DNAI4: variants seen among roughly 807,000 people sequenced by gnomAD.
DNAI4 encodes the protein WD repeat domain 78.
A neutral mutation model predicts 105.8 loss-of-function variants in DNAI4; 85 were observed. The ratio of observed to expected loss-of-function variants is 0.80; its 90% CI spans 0.67 to 0.96. The LOEUF (loss-of-function observed/expected upper bound fraction) is 0.96. Among genes scored for constraint, DNAI4 ranks in the 40% least tolerant of loss-of-function variants. The pLI is 0.00. For synonymous variants in DNAI4, 352 were observed against 331.5 expected (o/e 1.06, Z -0.67); for missense variants, 1,014 against 1,005.6 (o/e 1.01, Z -0.11).
Position 66,874,866 on chromosome 1 carries a change from T to C in DNAI4, c.715A>G (p.Ile239Val). ...KEDLEKNIEI[I>V]LTETETLRFF... ...CTCAGTGTTTCTGTCTCTGTGAGTA[T>C]TATCTCTATATTCTTCTCCAGGTCT... Residue 239 changes from isoleucine to valine, a missense_variant, in exon 5 of 17, where the codon ATA becomes GTA. By Grantham distance (29) the Ile-to-Val change is conservative. Coordinates refer to ENST00000371026, the MANE Select transcript of DNAI4 (RefSeq NM_024763.5). 6.2e-7 allele frequency: 1 copy of C among 1,613,608 alleles called. No homozygotes were observed. The highest frequency in any genetic ancestry group is 2.2e-5 in the East Asian group (1 of 44,858).
rs75312724 is a variant in DNAI4, at chr1:66,889,902, G to T, written c.643+1252C>A. On this transcript the variant is annotated intron_variant, in intron 4 of 16. Coordinates refer to ENST00000371026, the MANE Select transcript of DNAI4 (RefSeq NM_024763.5). ...TTCAAAAGTCAATAATGTTCTCTGT[G>T]AAACCTTTTTTATTTTACCTCAAAG... is the stretch of plus-strand genomic sequence containing the variant. Among the ~76,000 whole-genome samples the T allele has an allele frequency of 6.5e-3, 983 of 152,204 alleles. 4 individuals carry two copies. Among genetic ancestry groups the T allele is most frequent in the African/African-American group, 0.022 (922 of 41,540 alleles).
chr1:66,867,657 AC>A (rs1646760695), intron 6 of DNAI4, among the ~76,000 whole-genome samples: 2 of 152,070 alleles, frequency 1.3e-5, no homozygotes, highest in South Asian at 4.2e-4. Flanking sequence ...CGTCAGAACT[AC>A]CTACTCTGCC....
intron 2 of DNAI4, among the ~76,000 whole-genome samples, chr1:66,902,106 T>G (rs553757702): frequency 4.5e-4 from 69 of 152,328 alleles, no homozygotes; most frequent in African/African-American, 1.5e-3. Flanking sequence ...GTGCTGAGAT[T>G]ACAGGTGTGA....
intron 5 of DNAI4, 127 bp from the exon 6 acceptor site, chr1:66,871,636 C>G (rs534373638): frequency 1.1e-6 from 1 of 939,582 alleles, no homozygotes; most frequent in Non-Finnish European, 1.5e-6. Flanking sequence ...TGAAGTGAGA[C>G]TTCAAAAAAA....
chr1:66,827,912 T>G lies in DNAI4; in HGVS notation c.2014-2A>C. On this transcript the variant is annotated splice_acceptor_variant, in intron 13 of 16. Transcript: ENST00000371026. LOFTEE classifies it high-confidence loss of function. ...GCCAGCCAAATAGATATTTGTGTCCTACAACACAAAACATCGAAATGCATT... is the reference window on the plus strand; with the variant it reads ...GCCAGCCAAATAGATATTTGTGTCCGACAACACAAAACATCGAAATGCATT... 6.3e-7 allele frequency: 1 copy of G among 1,585,628 alleles called. No individual in the cohort carries two copies. The highest frequency in any genetic ancestry group is 8.6e-7 in the Non-Finnish European group (1 of 1,162,090).
intron 1 of DNAI4, among the ~76,000 whole-genome samples, chr1:66,909,285 T>TCTACACACACACAC (rs143570368): frequency 1.6e-4 from 21 of 134,540 alleles, no homozygotes; most frequent in Admixed American, 5.3e-4. Flanking sequence ...CACCTCTCTC[T>TCTACACACACACAC]ACACACACAC....
At chr1:66,847,890 T>C in intron 7 of DNAI4, 1 of 510,248 alleles carries the variant, frequency 2.0e-6, no homozygotes, top group Non-Finnish European at 3.4e-6. Context: ...AACTGTACTA[T>C]TTTTCAGAAG....
chr1:66,894,499 C>A (rs188007008), intron 2 of DNAI4, among the ~76,000 whole-genome samples: 3 of 151,824 alleles, frequency 2.0e-5, no homozygotes, highest in Non-Finnish European at 2.9e-5. Context: ...TTATTTTTAA[C>A]GTAGTCAATT....
At chr1:66,913,013 A>G (rs1420482206) in intron 1 of DNAI4, among the ~76,000 whole-genome samples, 3 of 152,142 alleles carry the variant, frequency 2.0e-5, no homozygotes, top group African/African-American at 7.2e-5. Flanking sequence ...AAGAATGGCA[A>G]GTTTTTCCTG....
At chr1:66,854,957 C>G (rs775401005) in intron 7 of DNAI4, among the ~76,000 whole-genome samples, 2 of 152,138 alleles carry the variant, frequency 1.3e-5, no homozygotes, top group African/African-American at 2.4e-5. Flanking sequence ...CTTTGATATC[C>G]TAGGGCCTTG....
chr1:66,897,933 G>A (rs1175304779), intron 2 of DNAI4, among the ~76,000 whole-genome samples: 1 of 152,034 alleles, frequency 6.6e-6, no homozygotes, highest in Non-Finnish European at 1.5e-5. Flanking sequence ...ATTGCCACAG[G>A]ACCCCAGAAC....
chr1:66,844,128 C>T (rs1646219134), intron 8 of DNAI4, among the ~76,000 whole-genome samples: 1 of 144,258 alleles, frequency 6.9e-6, no homozygotes, highest in South Asian at 2.2e-4. Context: ...TACCTTAGTC[C>T]ATTCATAAAA....
intron 7 of DNAI4, 74 bp from the exon 8 acceptor site, chr1:66,847,752 T>C (rs1646309393): frequency 1.7e-6 from 2 of 1,184,778 alleles, no homozygotes; most frequent in Middle Eastern, 2.9e-4. Flanking sequence ...ATTTTAAAAA[T>C]GACATTTCAT....
At chr1:66,901,442 T>C (rs1332814640) in intron 2 of DNAI4, among the ~76,000 whole-genome samples, 1 of 152,234 alleles carries the variant, frequency 6.6e-6, no homozygotes, top group Admixed American at 6.5e-5. Flanking sequence ...CCTTTTAATT[T>C]CTTCTTTAAC....
intron 15 of DNAI4, among the ~76,000 whole-genome samples, chr1:66,825,824 C>T (rs1189535780): frequency 2.0e-5 from 3 of 152,108 alleles, no homozygotes; most frequent in Admixed American, 2.0e-4. Context: ...TTATCAATTC[C>T]TAGCAAAAAA....
At chr1:66,871,294 T>C in intron 6 of DNAI4, 76 bp downstream of exon 6, 2 of 1,336,568 alleles carry the variant, frequency 1.5e-6, no homozygotes, top group Non-Finnish European at 2.0e-6. Context: ...CATTTCAATA[T>C]TCACTTGTCG....
intron 2 of DNAI4, among the ~76,000 whole-genome samples, chr1:66,902,509 G>A (rs1371296845): frequency 6.6e-6 from 1 of 151,934 alleles, no homozygotes; most frequent in Non-Finnish European, 1.5e-5. Context: ...CCTGTGGGTT[G>A]TTTTTTCACT....
intron 3 of DNAI4, among the ~76,000 whole-genome samples, chr1:66,892,731 C>A (rs957154618): frequency 1.3e-5 from 2 of 151,724 alleles, no homozygotes; most frequent in Non-Finnish European, 2.9e-5. Context: ...CATGGTGACA[C>A]CCCGTCTCTA....
chr1:66,820,834 T>C (rs1645609534), intron 16 of DNAI4, among the ~76,000 whole-genome samples: 1 of 151,976 alleles, frequency 6.6e-6, no homozygotes, highest in Non-Finnish European at 1.5e-5. Context: ...TATTTAACAT[T>C]TGTAGTCTGT....
Sources: gnomAD v4.1 joint callset for allele counts (sites outside exome capture counted in the v4.1 genomes callset) on GRCh38, gnomAD v4.1.1 for gene constraint, MANE v1.5 for transcripts, NCBI Gene and HGNC (gene_info 2026-07-23, HGNC 2026-07-21) for gene names.